FBN3: variants seen among roughly 807,000 people sequenced by gnomAD.
FBN3 encodes fibrillin-3.
Under a neutral mutation model 330.1 loss-of-function variants are expected in FBN3, and 234 were observed. That is an observed-to-expected ratio of 0.71 (90% CI 0.64 to 0.79). FBN3 has a LOEUF of 0.79. Ranked by LOEUF, FBN3 falls within the 30% of genes least tolerant of loss-of-function variation. The pLI, the probability that FBN3 is intolerant of heterozygous loss-of-function variation, is 0.00. For missense variants in FBN3, 3,606 were observed against 3,886.9 expected, an observed-to-expected ratio of 0.93 and a Z score of 1.92; for synonymous variants, 1,458 against 1,517.3, an observed-to-expected ratio of 0.96 and a Z score of 0.91.
In FBN3 at chr19:8,131,159, A is replaced by G. The variant is rs2083135962; in HGVS notation, c.2044+76T>C. On this transcript the variant is annotated intron_variant, in intron 16 of 63. Transcript: ENST00000600128. This position sits in a 1 kb window ranked among gnomAD's most constrained non-coding sequence, Gnocchi z 4.5. Reference sequence around the variant, plus strand: ...ACGGGAACCCCGGGCCAACTCCTACAGCCTCCCACCACAGCTCTCCCCACA... The same window carrying G: ...ACGGGAACCCCGGGCCAACTCCTACGGCCTCCCACCACAGCTCTCCCCACA... 6.9e-7 allele frequency: 1 copy of G among 1,440,660 alleles called. No individual in the cohort carries two copies. The highest frequency in any genetic ancestry group is 2.1e-5 in the Admixed American group (1 of 47,700). The allele number at this position is 1,440,660 out of a possible 1,614,324, so 89.2% of individuals were successfully genotyped here. A position where few individuals can be genotyped will look rare whatever the true frequency, so the allele number is the denominator to read the frequency against.
At chr19:8,135,936 G>GGGGGGGGGGGGCCCCCCCCCCCCCC in intron 13 of FBN3, 25 bp downstream of exon 13, 6 of 668,708 alleles carry the variant, frequency 9.0e-6, no homozygotes, top group Non-Finnish European at 1.4e-5. Flanking sequence ...GGAAGCCCCT[G>GGGGGGGGGGGGCCCCCCCCCCCCCC]CCCACCCGCC....
intron 13 of FBN3, 25 bp downstream of exon 13, chr19:8,135,936 G>GGACCCCCCCCCCC: frequency 1.5e-6 from 1 of 668,778 alleles, no homozygotes; most frequent in Admixed American, 2.9e-5. Context: ...GGAAGCCCCT[G>GGACCCCCCCCCCC]CCCACCCGCC....
intron 1 of FBN3, 38 bp from the exon 2 acceptor site, chr19:8,147,535 C>G: frequency 7.1e-7 from 1 of 1,400,910 alleles, no homozygotes; most frequent in Non-Finnish European, 9.3e-7. Flanking sequence ...AGATGAGCCC[C>G]CCACCCTAGC....
In FBN3 at chr19:8,138,450, G is replaced by T; in HGVS notation, c.980C>A (p.Ala327Asp). The change falls in exon 9 of 64, where the codon GCT becomes GAT. Residue 327 changes from alanine to aspartate, a missense_variant. Ala to Asp is a moderately radical substitution (Grantham distance 126, BLOSUM62 -2). Transcript: ENST00000600128. The stretch of plus-strand genomic sequence containing the variant: ...AGGACACAGCTCAGGGACCGGGCCA[G>T]CTGCCCAGCACCTGCCCCTGTCACA... ...CCCDRGRCWA[A>D]GPVPELCPPR... 6.2e-7 allele frequency: 1 copy of T among 1,613,070 alleles called. No homozygotes were observed. The highest frequency in any genetic ancestry group is 1.1e-5 in the South Asian group (1 of 91,052).
At chr19:8,117,789 C>T (rs1040473862) in intron 26 of FBN3, among the ~76,000 whole-genome samples, 200 bp from the exon 27 acceptor site, 1 of 152,092 alleles carries the variant, frequency 6.6e-6, no homozygotes, top group African/African-American at 2.4e-5. Context: ...CACCCATATA[C>T]ACACCCCACG....
chr19:8,141,726 C>A lies in FBN3; in HGVS notation c.856G>T (p.Ala286Ser), dbSNP rs201324609. The A allele has an allele frequency of 6.2e-7, 1 of 1,612,666 alleles. No individual in the cohort carries two copies. Among genetic ancestry groups the A allele is most frequent in the African/African-American group, 1.3e-5 (1 of 75,038 alleles). Residue 286 changes from alanine to serine, a missense_variant, in exon 8 of 64, where the codon GCA (alanine) becomes TCA (serine). Ala to Ser is a moderately conservative substitution (Grantham distance 99). Coordinates refer to ENST00000600128, the MANE Select transcript of FBN3 (RefSeq NM_032447.5). Reference sequence around the variant, plus strand: ...CCCTCCAGTCACCCACCTTCACATGCGGCGCTGCTGTCACTGAGCCGGTGT... The same window carrying A: ...CCCTCCAGTCACCCACCTTCACATGAGGCGCTGCTGTCACTGAGCCGGTGT... ...VGHRLSDSSAACEDYRAGACF... is the reference protein window; with the variant it reads ...VGHRLSDSSASCEDYRAGACF...
At chr19:8,132,777 C>T (rs954065018) in intron 14 of FBN3, among the ~76,000 whole-genome samples, 4 of 152,206 alleles carry the variant, frequency 2.6e-5, no homozygotes, top group African/African-American at 9.7e-5. Context: ...CAGGCGTGAG[C>T]CACGGCACCT....
In FBN3 at chr19:8,130,615, A is replaced by AAG. The variant is rs1555750468; in HGVS notation, c.2044+619_2044+620insCT. On this transcript the variant is annotated intron_variant, in intron 16 of 63. Transcript: ENST00000600128. ...AAGAAAGAAAGAAAGAAAGAAAGAAAGAAAGAAAGAAAGAAAGAAAGAAAG... is the reference window on the plus strand; with the variant it reads ...AAGAAAGAAAGAAAGAAAGAAAGAAAAGGAAAGAAAGAAAGAAAGAAAGAAAG... Among the ~76,000 whole-genome samples, 3 of 10,092 alleles carry AAG rather than the reference A, an allele frequency of 3.0e-4. 1 individual carries two copies. Among genetic ancestry groups the AAG allele is most frequent in the Non-Finnish European group, 5.5e-4 (3 of 5,410 alleles). 6.6% of individuals were successfully genotyped at this position (10,092 alleles called of 152,430 possible).
intron 32 of FBN3, among the ~76,000 whole-genome samples, chr19:8,111,403 C>T (rs1293470740): frequency 6.6e-6 from 1 of 152,044 alleles, no homozygotes; most frequent in Admixed American, 6.6e-5. Context: ...GAGAGGGGAC[C>T]CAGTCTCTCT....
chr19:8,133,931 A>T (rs967522593), intron 13 of FBN3, among the ~76,000 whole-genome samples: 73 of 145,612 alleles, frequency 5.0e-4, no homozygotes, highest in African/African-American at 1.7e-3. Context: ...ACATACATTT[A>T]AAAAAAAAAA....
chr19:8,111,162 T>G lies in FBN3; in HGVS notation c.4106A>C (p.Asn1369Thr). 1 of 1,607,918 alleles carries G rather than the reference T, an allele frequency of 6.2e-7. No homozygotes were observed. Among genetic ancestry groups the G allele is most frequent in the Non-Finnish European group, 8.5e-7 (1 of 1,176,822 alleles). Residue 1369 changes from asparagine (N) to threonine (T), a missense_variant, in exon 33 of 64, where the codon AAC becomes ACC. Physicochemically the swap from Asn to Thr is moderately conservative, Grantham distance 65 (BLOSUM62 0). Transcript: ENST00000600128. ...CTGCCCGTTGTCACAGAGGTCCACG[T>G]TCTCGGCACATTCATCCCTGTCTGA... Reference protein sequence around the residue: ...FCEDRDECAENVDLCDNGQCL... With the variant: ...FCEDRDECAETVDLCDNGQCL...
intron 6 of FBN3, among the ~76,000 whole-genome samples, chr19:8,143,636 C>A (rs554005769): frequency 1.2e-3 from 180 of 151,614 alleles, no homozygotes; most frequent in Non-Finnish European, 1.8e-3. Flanking sequence ...TACAGGCACG[C>A]GCTACCACAC....
intron 54 of FBN3, among the ~76,000 whole-genome samples, 168 bp from the exon 55 acceptor site, chr19:8,086,493 G>A (rs1177900379): frequency 1.3e-5 from 2 of 148,184 alleles, no homozygotes; most frequent in African/African-American, 2.5e-5. Context: ...GTCTCGCTCC[G>A]TTTCCCAGGC....
chr19:8,129,631 G>A lies in FBN3; in HGVS notation c.2045-266C>T, dbSNP rs62123267. On this transcript the variant is annotated intron_variant, in intron 16 of 63. Coordinates refer to ENST00000600128, the MANE Select transcript of FBN3 (RefSeq NM_032447.5). The surrounding 1 kb of genome is among the most constrained non-coding windows in gnomAD (Gnocchi z 4.5). ...CAGCTCCCGTGGCCTCCACCCATGA[G>A]ATGTCAGTAGCACCCACCGCCCCAG... 0.022 allele frequency among the ~76,000 whole-genome samples: 3,318 copies of A among 152,202 alleles called. 69 individuals are homozygous for A. Among genetic ancestry groups the A allele is most frequent in the Non-Finnish European group, 0.036 (2,471 of 67,998 alleles).
intron 63 of FBN3, 53 bp downstream of exon 63, chr19:8,071,994 TC>T: frequency 6.4e-7 from 1 of 1,557,648 alleles, no homozygotes; most frequent in Non-Finnish European, 8.7e-7. Flanking sequence ...ACAGCCTCTT[TC>T]CCACACTCAC....
At chr19:8,133,186 G>A in intron 13 of FBN3, 80 bp from the exon 14 acceptor site, 1 of 1,460,894 alleles carries the variant, frequency 6.8e-7, no homozygotes, top group Non-Finnish European at 9.1e-7. Context: ...CTCCAGGGCT[G>A]ACCCCCCAGG....
In FBN3 at chr19:8,121,456, C is replaced by T; in HGVS notation, c.3083-70G>A. 5.5e-6 allele frequency: 8 copies of T among 1,447,898 alleles called. No individual in the cohort carries two copies. The highest frequency in any genetic ancestry group is 2.0e-4 in the Middle Eastern group (1 of 4,882). 89.7% of individuals were successfully genotyped at this position (1,447,898 alleles called of 1,614,324 possible). ...ATCATGGGGCACGAGGCAGGGGGGTCCCTGTCCTTTGATGGAGGTGTGGGC... is the reference window on the plus strand; with the variant it reads ...ATCATGGGGCACGAGGCAGGGGGGTTCCTGTCCTTTGATGGAGGTGTGGGC... On this transcript the variant is annotated intron_variant, in intron 24 of 63. Coordinates refer to ENST00000600128, the MANE Select transcript of FBN3 (RefSeq NM_032447.5). This position sits in a 1 kb window ranked among gnomAD's most constrained non-coding sequence, Gnocchi z 4.5.
intron 49 of FBN3, 52 bp downstream of exon 49, chr19:8,090,047 A>G: frequency 1.2e-6 from 2 of 1,603,334 alleles, no homozygotes; most frequent in Non-Finnish European, 8.5e-7. Context: ...AGAATGAGAG[A>G]GGAAGGTGAG....
chr19:8,103,480 G>T, intron 39 of FBN3, 82 bp downstream of exon 39: 3 of 1,446,066 alleles, frequency 2.1e-6, no homozygotes, highest in Middle Eastern at 2.1e-4. Context: ...CTCTCCATAG[G>T]CTTGAAGGCT....
Sources: allele counts gnomAD v4.1 joint callset (sites outside exome capture counted in the v4.1 genomes callset), GRCh38; gene constraint gnomAD v4.1.1; non-coding constraint Gnocchi (gnomAD v3.1); transcripts MANE v1.5; gene names NCBI Gene and HGNC (gene_info 2026-07-23, HGNC 2026-07-21).